The following PHLPP1 variants were observed in gnomAD, a reference collection of about 807,000 sequenced individuals.
The protein encoded by PHLPP1 is PH domain and leucine rich repeat protein phosphatase 1, also known as PH domain leucine-rich repeat-containing protein phosphatase 1.
Under a neutral mutation model 117.2 loss-of-function variants are expected in PHLPP1, and 42 were observed. That is an observed-to-expected ratio of 0.36 (90% CI 0.28 to 0.46). The LOEUF (loss-of-function observed/expected upper bound fraction) is 0.46, where lower values mean the gene tolerates loss of function less well. Ranked by LOEUF, PHLPP1 falls within the 20% of genes least tolerant of loss-of-function variation. PHLPP1 has a pLI of 1.00. For synonymous variants in PHLPP1, 1,042 were observed against 970.7 expected, an observed-to-expected ratio of 1.07 and a Z score of -1.37; for missense variants, 2,084 against 2,241.9, an observed-to-expected ratio of 0.93 and a Z score of 1.42.
At chr18:62,804,217 C>T (rs544708647) in intron 1 of PHLPP1, among the ~76,000 whole-genome samples, 2 of 152,256 alleles carry the variant, frequency 1.3e-5, no homozygotes, top group South Asian at 4.1e-4. Context: ...TGAGAACTCA[C>T]TCACCATCAT....
chr18:62,755,805 A>G (rs1393718931), intron 1 of PHLPP1, among the ~76,000 whole-genome samples: 1 of 152,198 alleles, frequency 6.6e-6, no homozygotes, highest in African/African-American at 2.4e-5. Context: ...GATAGTTTGT[A>G]TCTATTTTTT....
At chr18:62,719,570 A>G (rs1910856995) in intron 1 of PHLPP1, among the ~76,000 whole-genome samples, 1 of 152,174 alleles carries the variant, frequency 6.6e-6, no homozygotes, top group Non-Finnish European at 1.5e-5. Context: ...ACAGAGTTAC[A>G]TTTTGGTAGT....
At chr18:62,777,584 A>T (rs1912998724) in intron 1 of PHLPP1, among the ~76,000 whole-genome samples, 1 of 151,732 alleles carries the variant, frequency 6.6e-6, no homozygotes, top group South Asian at 2.1e-4. Flanking sequence ...TTTAAAGCCT[A>T]ATTTGTGAGG....
chr18:62,951,091 C>T (rs1910443339), intron 12 of PHLPP1, among the ~76,000 whole-genome samples: 1 of 151,882 alleles, frequency 6.6e-6, no homozygotes, highest in African/African-American at 2.4e-5. Context: ...ACGCCATTCT[C>T]CCACCTCAGC....
intron 1 of PHLPP1, among the ~76,000 whole-genome samples, chr18:62,801,713 A>G (rs1309454738): frequency 1.3e-5 from 2 of 152,008 alleles, no homozygotes; most frequent in Admixed American, 1.3e-4. Context: ...CTGCCTCCCA[A>G]AGTGCTGGGA....
intron 11 of PHLPP1, among the ~76,000 whole-genome samples, chr18:62,943,963 A>C (rs533730660): frequency 6.6e-6 from 1 of 152,358 alleles, no homozygotes; most frequent in Admixed American, 6.5e-5. Context: ...GTCTGACTTC[A>C]TAAGATAAAA....
At chr18:62,964,040 A>G (rs1161763842) in intron 14 of PHLPP1, among the ~76,000 whole-genome samples, 1 of 151,936 alleles carries the variant, frequency 6.6e-6, no homozygotes, top group Non-Finnish European at 1.5e-5. Flanking sequence ...TCTTAGATAC[A>G]GATATTGATT....
intron 4 of PHLPP1, among the ~76,000 whole-genome samples, chr18:62,869,080 T>C (rs1483627552): frequency 6.6e-6 from 1 of 152,232 alleles, no homozygotes; most frequent in Non-Finnish European, 1.5e-5. Flanking sequence ...TTCATTCTCT[T>C]ATTGCTCTAT....
intron 10 of PHLPP1, among the ~76,000 whole-genome samples, chr18:62,926,142 A>C (rs1440044051): frequency 6.6e-6 from 1 of 152,198 alleles, no homozygotes; most frequent in Non-Finnish European, 1.5e-5. Flanking sequence ...AATTTTTTCA[A>C]AACTAGAGAA....
chr18:62,892,615 G>A (rs3135431), intron 4 of PHLPP1, among the ~76,000 whole-genome samples: 95,452 of 151,230 alleles, frequency 0.63, 30,782 homozygotes, highest in Non-Finnish European at 0.71. Context: ...GGTGGCTCAC[G>A]CCTGTAATCC....
intron 1 of PHLPP1, among the ~76,000 whole-genome samples, chr18:62,828,008 TTGTG>T (rs34088259): frequency 0.046 from 6,667 of 146,390 alleles, 169 homozygotes; most frequent in Non-Finnish European, 0.056. Context: ...TTCTTTGCAT[TTGTG>T]TGTGTGTGTG....
At chr18:62,824,535 A>T (rs1275266858) in intron 1 of PHLPP1, among the ~76,000 whole-genome samples, 3 of 152,200 alleles carry the variant, frequency 2.0e-5, no homozygotes, top group Non-Finnish European at 4.4e-5. Context: ...AACGGCAGTG[A>T]TCAATATACT....
chr18:62,883,728 T>G (rs148317191), intron 4 of PHLPP1, among the ~76,000 whole-genome samples: 50 of 152,272 alleles, frequency 3.3e-4, no homozygotes, highest in African/African-American at 1.2e-3. Flanking sequence ...GACAATTGTG[T>G]TTTCAGATTA....
chr18:62,722,371 A>G (rs1413556573), intron 1 of PHLPP1, among the ~76,000 whole-genome samples: 1 of 152,222 alleles, frequency 6.6e-6, no homozygotes, highest in Non-Finnish European at 1.5e-5. Context: ...GTTTGATTGT[A>G]CTGTGAAAGT....
intron 1 of PHLPP1, among the ~76,000 whole-genome samples, chr18:62,821,549 C>CAA (rs1914456217): frequency 1.5e-5 from 2 of 129,872 alleles, no homozygotes; most frequent in Non-Finnish European, 3.1e-5. Flanking sequence ...ACCCTTTATC[C>CAA]AAAAAAAAAA....
rs1396962687 is a variant in PHLPP1 at position 62,715,725 on chromosome 18, G to A, written c.42G>A (p.Glu14=). The stretch of plus-strand genomic sequence containing the variant: ...CGGCCACGGTACAGCGACTCCCCGA[G>A]CTCGGCAGGGAGGACCGAGCTTCGG... ...AAAATVQRLP[E]LGREDRASAP... Residue 14 remains glutamate (E), a synonymous_variant, in exon 1 of 17, where the codon GAG becomes GAA. Transcript: ENST00000262719. 3.2e-6 allele frequency: 4 copies of A among 1,266,318 alleles called. No individual in the cohort carries two copies. In the African/African-American group the frequency reaches 6.2e-5, roughly 20 times the overall value. The allele number at this position is 1,266,318 out of a possible 1,614,324, so 78.4% of individuals were successfully genotyped here. A position where few individuals can be genotyped will look rare whatever the true frequency, so the allele number is the denominator to read the frequency against.
chr18:62,847,368 A>C (rs1394167969), intron 3 of PHLPP1, among the ~76,000 whole-genome samples: 1 of 152,114 alleles, frequency 6.6e-6, no homozygotes, highest in Non-Finnish European at 1.5e-5. Flanking sequence ...GACCTCAGCA[A>C]ATGGAAACGT....
At chr18:62,724,430 A>G (rs1911009680) in intron 1 of PHLPP1, among the ~76,000 whole-genome samples, 1 of 152,246 alleles carries the variant, frequency 6.6e-6, no homozygotes, top group Admixed American at 6.5e-5. Flanking sequence ...TACTTTGGAC[A>G]GGTAATAGAA....
intron 1 of PHLPP1, among the ~76,000 whole-genome samples, chr18:62,820,279 G>GA (rs1471471097): frequency 6.6e-6 from 1 of 152,148 alleles, no homozygotes; most frequent in Non-Finnish European, 1.5e-5. Flanking sequence ...CTCAATCTTT[G>GA]AAAAAATGTG....
Sources: gnomAD v4.1 joint callset for allele counts (sites outside exome capture counted in the v4.1 genomes callset) on GRCh38, gnomAD v4.1.1 for gene constraint, MANE v1.5 for transcripts, NCBI Gene and HGNC (gene_info 2026-07-23, HGNC 2026-07-21) for gene names.